Variants in MKRN2 observed in about 807,000 individuals in gnomAD.
MKRN2 encodes E3 ubiquitin-protein ligase makorin-2.
In MKRN2, 32 loss-of-function variants were observed where a neutral mutation model predicts 45.4. The observed-to-expected ratio is 0.70, with a 90% confidence interval of 0.53 to 0.95. The LOEUF is 0.95. Ranked by LOEUF, MKRN2 falls within the 40% of genes least tolerant of loss-of-function variation. The pLI is 0.00. For synonymous variants in MKRN2, 206 were observed against 192.4 expected, an observed-to-expected ratio of 1.07 and a Z score of -0.59; for missense variants, 526 against 536.7, an observed-to-expected ratio of 0.98 and a Z score of 0.20.
In MKRN2 at chr3:12,582,538, A is replaced by G. The variant is rs1250716718; in HGVS notation, c.*285A>G. Reference sequence around the variant, plus strand: ...ACTAACAAACACCCAAACTGTTTGGATTGATTGCTTTAAAAAACAAACCTG... The same window carrying G: ...ACTAACAAACACCCAAACTGTTTGGGTTGATTGCTTTAAAAAACAAACCTG... On this transcript the variant is annotated 3_prime_UTR_variant, in exon 8 of 8. Transcript: ENST00000170447. 1 of 311,676 alleles carries G rather than the reference A, an allele frequency of 3.2e-6. No individual in the cohort carries two copies. Among genetic ancestry groups the G allele is most frequent in the East Asian group, 5.4e-5 (1 of 18,382 alleles). 19.3% of individuals were successfully genotyped at this position (311,676 alleles called of 1,614,324 possible).
At chr3:12,572,958 T>C (rs1161291823) in intron 4 of MKRN2, among the ~76,000 whole-genome samples, 1 of 152,108 alleles carries the variant, frequency 6.6e-6, no homozygotes, top group Non-Finnish European at 1.5e-5. Context: ...TCATGCTAAG[T>C]TCAAAGAACA....
chr3:12,572,118 TC>T lies in MKRN2; in HGVS notation c.389del (p.Pro130GlnfsTer13), dbSNP rs762318144. The stretch of plus-strand genomic sequence containing the variant: ...AGACCCAGCCGAGCATGGTGAGTAA[TC>T]CAGGCAGCTGCAGCGACCCCCAGCC... ...RKTQPSMVSN[P>X]GSCSDPQPSP... is the part of the protein sequence containing the mutation. On this transcript the variant is annotated frameshift_variant, in exon 4 of 8. Transcript: ENST00000170447. LOFTEE classifies it high-confidence loss of function. The T allele has an allele frequency of 6.2e-7, 1 of 1,613,770 alleles. No homozygotes were observed. The highest frequency in any genetic ancestry group is 1.1e-5 in the South Asian group (1 of 91,044).
At chr3:12,573,955 T>C (rs1575521125) in intron 4 of MKRN2, among the ~76,000 whole-genome samples, 1 of 152,054 alleles carries the variant, frequency 6.6e-6, no homozygotes, top group South Asian at 2.1e-4. Context: ...CTTAGGCTGG[T>C]CTTGAACTCC....
At position 12,572,178 on chromosome 3, in the gene MKRN2, T is replaced by C. The variant is rs1488573192; in HGVS notation, c.447T>C (p.Asp149=). 10 of 1,614,122 alleles carry C rather than the reference T, an allele frequency of 6.2e-6. No homozygotes were observed. Among genetic ancestry groups the C allele is most frequent in the Non-Finnish European group, 8.5e-6 (10 of 1,180,010 alleles). Residue 149 remains aspartate (D), a synonymous_variant, in exon 4 of 8, where the codon GAT becomes GAC. Transcript: ENST00000170447. ...SPEMKPHSYL[D]AIRSGLDDVE... is the part of the protein sequence containing the mutation. ...AGATGAAGCCGCATTCCTACCTGGATGCCATCAGGAGTGGCCTTGATGACG... is the reference window on the plus strand; with the variant it reads ...AGATGAAGCCGCATTCCTACCTGGACGCCATCAGGAGTGGCCTTGATGACG...
At position 12,582,172 on chromosome 3, in the gene MKRN2, C is replaced by A. The variant is rs185814672; in HGVS notation, c.1170C>A (p.Val390=). The change falls in exon 8 of 8, where the codon GTC becomes GTA. Residue 390 remains valine (V), a synonymous_variant. Coordinates refer to ENST00000170447, the MANE Select transcript of MKRN2 (RefSeq NM_014160.5). Reference sequence around the variant, plus strand: ...TCGAGAACCGAGAAAGCCGGCATGTCCCCAACAATGAAGATGTCGACATGA... The same window carrying A: ...TCGAGAACCGAGAAAGCCGGCATGTACCCAACAATGAAGATGTCGACATGA... ...DFIENRESRH[V]PNNEDVDMTE... is the part of the protein sequence containing the mutation. 1.2e-6 allele frequency: 2 copies of A among 1,614,130 alleles called. No homozygotes were observed. The highest frequency in any genetic ancestry group is 1.3e-5 in the African/African-American group (1 of 75,016).
chr3:12,558,700 C>T (rs1443191150), intron 1 of MKRN2, among the ~76,000 whole-genome samples: 1 of 152,138 alleles, frequency 6.6e-6, no homozygotes, highest in Non-Finnish European at 1.5e-5. Flanking sequence ...TCCTTGTATA[C>T]CTGGAGATAG....
chr3:12,562,466 C>T (rs1486645537), intron 1 of MKRN2, among the ~76,000 whole-genome samples: 1 of 152,172 alleles, frequency 6.6e-6, no homozygotes, highest in African/African-American at 2.4e-5. Flanking sequence ...AAGTTTCTAA[C>T]AAAAAGTTTC....
chr3:12,581,668 C>T (rs189279957), intron 6 of MKRN2, 140 bp from the exon 7 acceptor site: 57 of 890,170 alleles, frequency 6.4e-5, no homozygotes, highest in South Asian at 1.6e-5. Context: ...CTCAACCTCT[C>T]CCAGCCTCAG....
intron 4 of MKRN2, 90 bp downstream of exon 4, chr3:12,572,463 A>C (rs2125304694): frequency 8.2e-7 from 1 of 1,221,954 alleles, no homozygotes; most frequent in African/African-American, 1.5e-5. Flanking sequence ...ACACTCAAGA[A>C]ATCTGAAATG....
intron 3 of MKRN2, 116 bp downstream of exon 3, chr3:12,570,368 T>C (rs1190799190): frequency 3.2e-5 from 33 of 1,043,688 alleles, no homozygotes; most frequent in Non-Finnish European, 4.4e-5. Context: ...CACCTCCAGA[T>C]TGTCTGCGCG....
At chr3:12,558,164 G>A (rs1371485244) in intron 1 of MKRN2, among the ~76,000 whole-genome samples, 2 of 152,168 alleles carry the variant, frequency 1.3e-5, no homozygotes, top group African/African-American at 2.4e-5. Context: ...CTCTTCATTG[G>A]TATGAATAGT....
chr3:12,567,751 A>G (rs553273601), intron 1 of MKRN2, among the ~76,000 whole-genome samples: 1 of 152,142 alleles, frequency 6.6e-6, no homozygotes, highest in Admixed American at 6.5e-5. Context: ...TTGGCCTCCC[A>G]AAGTACTAGG....
chr3:12,581,959 A>T lies in MKRN2; in HGVS notation c.1113+7A>T, dbSNP rs1458306058. 5.6e-6 allele frequency: 9 copies of T among 1,613,454 alleles called. No individual in the cohort carries two copies. The South Asian group carries it at 9.9e-5, about 18-fold the overall frequency. ...TTCTCAAGGCACTGTGAGGGTAAGG[A>T]CTTTAGCCATCTCTAGTTGGGGACA... On this transcript the variant is annotated splice_region_variant and intron_variant, in intron 7 of 7. Transcript: ENST00000170447.
chr3:12,570,244 G>A lies in MKRN2; in HGVS notation c.329G>A (p.Arg110Lys), dbSNP rs746602779. 6.2e-7 allele frequency: 1 copy of A among 1,613,674 alleles called. No individual in the cohort carries two copies. Among genetic ancestry groups the A allele is most frequent in the South Asian group, 1.1e-5 (1 of 91,030 alleles). ...GKREKRTLVL[R>K]DRNLSGMAER... The stretch of plus-strand genomic sequence containing the variant: ...CGTGAAAAGAGAACATTGGTTCTTA[G>A]AGACCGAAGTGAGTAAGCGGAAGCC... The change falls in exon 3 of 8, where the codon AGA becomes AAA. Residue 110 changes from arginine to lysine, a missense_variant. Transcript: ENST00000170447.
intron 5 of MKRN2, among the ~76,000 whole-genome samples, chr3:12,576,187 ATATGTGTG>A (rs948379068): frequency 6.2e-5 from 8 of 128,748 alleles, no homozygotes; most frequent in African/African-American, 2.1e-4. Context: ...AGGAAACCAT[ATATGTGTG>A]TGTGTGTGTG....
chr3:12,569,258 T>TTCAAGCAGG (rs1237728290), intron 2 of MKRN2, among the ~76,000 whole-genome samples: 2 of 150,916 alleles, frequency 1.3e-5, no homozygotes, highest in Non-Finnish European at 1.5e-5. Flanking sequence ...GCCTCCAGGG[T>TTCAAGCAGG]TCTCCTGCCT....
chr3:12,557,131 G>T lies in MKRN2; in HGVS notation c.-20G>T. On this transcript the variant is annotated 5_prime_UTR_variant, in exon 1 of 8. Transcript: ENST00000170447. Reference sequence around the variant, plus strand: ...CTGCGAGAGGCGGCGGCACGACGACGGTCCCTCAGCCCAGCCACCATGAGC... The same window carrying T: ...CTGCGAGAGGCGGCGGCACGACGACTGTCCCTCAGCCCAGCCACCATGAGC... 4 of 1,493,168 alleles carry T rather than the reference G, an allele frequency of 2.7e-6. No homozygotes were observed. The highest frequency in any genetic ancestry group is 3.6e-6 in the Non-Finnish European group (4 of 1,122,224). 92.5% of individuals were successfully genotyped at this position (1,493,168 alleles called of 1,614,324 possible).
At chr3:12,580,733 A>G (rs571434329) in intron 6 of MKRN2, among the ~76,000 whole-genome samples, 90 of 152,322 alleles carry the variant, frequency 5.9e-4, no homozygotes, top group African/African-American at 2.0e-3. Context: ...TGCTGGAATT[A>G]CAGGTGTGAG....
chr3:12,563,256 A>C (rs527987869), intron 1 of MKRN2, among the ~76,000 whole-genome samples: 1 of 152,344 alleles, frequency 6.6e-6, no homozygotes, highest in African/African-American at 2.4e-5. Context: ...CTTATATACT[A>C]GAATATCCTT....
Sources: allele counts gnomAD v4.1 joint callset (sites outside exome capture counted in the v4.1 genomes callset), GRCh38; gene constraint gnomAD v4.1.1; transcripts MANE v1.5; gene names NCBI Gene and HGNC (gene_info 2026-07-23, HGNC 2026-07-21).